The following MUC12 variants were observed in gnomAD, a reference collection of about 807,000 sequenced individuals.
MUC12 encodes mucin 12, cell surface associated.
MUC12 carries 172 observed loss-of-function variants against 230.8 expected under a neutral mutation model. The observed-to-expected ratio is 0.75, with a 90% CI of 0.66 to 0.85. The LOEUF (loss-of-function observed/expected upper bound fraction) is 0.85, where lower values mean the gene tolerates loss of function less well. Ranked by LOEUF, MUC12 falls within the 40% of genes least tolerant of loss-of-function variation. The pLI is 0.00. For synonymous variants in MUC12, 1,259 were observed against 2,401.9 expected (o/e 0.52, Z 13.91); for missense variants, 3,506 against 5,920.6 (o/e 0.59, Z 13.38).
chr7:100,985,135 C>T (rs1021723806), intron 1 of MUC12, among the ~76,000 whole-genome samples: 1 of 152,180 alleles, frequency 6.6e-6, no homozygotes, highest in African/African-American at 2.4e-5. Flanking sequence ...GCTGGGATTA[C>T]AAGCATGAGC....
At position 100,991,987 on chromosome 7, in the gene MUC12, T is replaced by G. The variant is rs548110192; in HGVS notation, c.1424T>G (p.Met475Arg). ...STPSPISSGS[M>R]ETTALPGSTT... ...CCCTCACCCATCAGTTCAGGCTCAA[T>G]GGAAACCACAGCGTTACCCGGCAGT... Residue 475 changes from methionine (M) to arginine (R), a missense_variant, in exon 2 of 12, where the codon ATG becomes AGG. Transcript: ENST00000536621. The G allele has an allele frequency of 1.4e-5, 21 of 1,537,926 alleles. No homozygotes were observed. In the East Asian group the frequency reaches 4.9e-4, roughly 36 times the overall value.
In MUC12 at chr7:101,012,464, C is replaced by G; in HGVS notation, c.15403+17C>G. 1 of 1,537,324 alleles carries G rather than the reference C, an allele frequency of 6.5e-7. No individual in the cohort carries two copies. The highest frequency in any genetic ancestry group is 2.0e-5 in the Admixed American group (1 of 50,976). ...CCTGCAGAAGTAAGCTCACCTAAAA[C>G]CCCTTGACACCTGTGGGTGTCTTGG... On this transcript the variant is annotated intron_variant, in intron 6 of 11. Transcript: ENST00000536621.
chr7:101,015,899 C>A (rs1421639601), intron 10 of MUC12, among the ~76,000 whole-genome samples: 1 of 152,176 alleles, frequency 6.6e-6, no homozygotes, highest in Non-Finnish European at 1.5e-5. Flanking sequence ...AGAACCAGAT[C>A]TTGCCCCCAG....
chr7:101,009,025 C>A, intron 4 of MUC12, 70 bp from the exon 5 acceptor site: 1 of 1,505,376 alleles, frequency 6.6e-7, no homozygotes, highest in South Asian at 1.2e-5. Flanking sequence ...CTAGGGCTGC[C>A]TCAAGAAGGG....
At chr7:101,011,772 T>A (rs184000465) in intron 5 of MUC12, among the ~76,000 whole-genome samples, 4 of 152,310 alleles carry the variant, frequency 2.6e-5, no homozygotes, top group South Asian at 4.1e-4. Context: ...AGACCACATT[T>A]GTTTCTCCAT....
At chr7:101,008,977 C>A (rs1793800318) in intron 4 of MUC12, 118 bp from the exon 5 acceptor site, 1 of 1,330,656 alleles carries the variant, frequency 7.5e-7, no homozygotes, top group South Asian at 1.3e-5. Flanking sequence ...TTGGTGGTTC[C>A]TCCTATGGGA....
intron 1 of MUC12, among the ~76,000 whole-genome samples, chr7:100,976,908 G>A (rs1793040694): frequency 6.6e-6 from 1 of 151,780 alleles, no homozygotes; most frequent in Non-Finnish European, 1.5e-5. Context: ...AAAATTAACT[G>A]GGCATGGTGG....
chr7:101,014,741 G>C (rs923819273), intron 9 of MUC12, among the ~76,000 whole-genome samples: 2 of 152,040 alleles, frequency 1.3e-5, no homozygotes, highest in Non-Finnish European at 2.9e-5. Flanking sequence ...GCTTCCCAAA[G>C]TGCTGGGATT....
rs888508762 is a variant in MUC12, at chr7:101,012,853, C to T, written c.15438C>T (p.Phe5146=). 2.7e-5 allele frequency: 42 copies of T among 1,537,132 alleles called. No homozygotes were observed. In the African/African-American group the frequency reaches 4.1e-4, roughly 15 times the overall value. The change falls in exon 7 of 12, where the codon TTC becomes TTT. Residue 5146 remains phenylalanine, a synonymous_variant. Transcript: ENST00000536621. ...AILCYSEEDT[F]VDSSVTPGFD... The stretch of plus-strand genomic sequence containing the variant: ...TGTGCTATAGTGAAGAGGACACTTT[C>T]GTGGATTCATCGGTGACTCCGGGCT...
At position 100,995,898 on chromosome 7, in the gene MUC12, A is replaced by G. The variant is rs772809876; in HGVS notation, c.5335A>G (p.Thr1779Ala). 7.3e-7 allele frequency: 1 copy of G among 1,376,662 alleles called. No individual in the cohort carries two copies. Among genetic ancestry groups the G allele is most frequent in the Non-Finnish European group, 9.7e-7 (1 of 1,026,470 alleles). The allele number at this position is 1,376,662 out of a possible 1,614,324, so 85.3% of individuals were successfully genotyped here. The change falls in exon 2 of 12, where the codon ACT (threonine) becomes GCT (alanine). Residue 1779 changes from threonine to alanine, a missense_variant. Transcript: ENST00000536621. ...GGCGTACCACAGCAGCCCGGGCTCA[A>G]CTCAAACAATGCACTTCCCTGAAAG... ...STAYHSSPGSTQTMHFPESST... is the reference protein window; with the variant it reads ...STAYHSSPGSAQTMHFPESST...
intron 1 of MUC12, among the ~76,000 whole-genome samples, chr7:100,989,099 CTTT>C (rs61570080): frequency 3.3e-3 from 438 of 133,974 alleles, no homozygotes; most frequent in African/African-American, 0.012. Flanking sequence ...TCCTCTTCTT[CTTT>C]TTTTTTTTTT....
Position 100,992,027 on chromosome 7 carries a change from C to A in MUC12, c.1464C>A (p.Gly488=), listed in dbSNP as rs1329757530. Residue 488 remains glycine, a synonymous_variant, in exon 2 of 12, where the codon GGC becomes GGA. Transcript: ENST00000536621. The part of the protein sequence containing the change: ...TALPGSTTKP[G]LSEKSTTFYS... Reference sequence around the variant, plus strand: ...TACCCGGCAGTACCACAAAACCAGGCCTCAGTGAGAAATCTACCACTTTCT... The same window carrying A: ...TACCCGGCAGTACCACAAAACCAGGACTCAGTGAGAAATCTACCACTTTCT... 4 of 1,537,986 alleles carry A rather than the reference C, an allele frequency of 2.6e-6. No individual in the cohort carries two copies. Among genetic ancestry groups the A allele is most frequent in the Non-Finnish European group, 3.5e-6 (4 of 1,147,076 alleles).
intron 1 of MUC12, among the ~76,000 whole-genome samples, chr7:100,970,174 G>A (rs1270510007): frequency 1.3e-5 from 2 of 152,298 alleles, no homozygotes; most frequent in East Asian, 1.9e-4. Flanking sequence ...AGGTGCACCC[G>A]GGGAATCCCC....
At chr7:100,970,415 A>G (rs1411917020) in intron 1 of MUC12, among the ~76,000 whole-genome samples, 1 of 151,252 alleles carries the variant, frequency 6.6e-6, no homozygotes, top group Non-Finnish European at 1.5e-5. Context: ...GGAACCTGGT[A>G]GGTGGAGTTT....
intron 1 of MUC12, chr7:100,972,825 T>C (rs1014844150): frequency 1.5e-6 from 1 of 687,026 alleles, no homozygotes; most frequent in African/African-American, 1.9e-5. Flanking sequence ...TAGCTTTTCT[T>C]CCTACTCTCT....
intron 3 of MUC12, among the ~76,000 whole-genome samples, 168 bp from the exon 4 acceptor site, chr7:101,008,466 C>T (rs1163277171): frequency 6.6e-6 from 1 of 152,102 alleles, no homozygotes; most frequent in Non-Finnish European, 1.5e-5. Flanking sequence ...TGTCCCTTTC[C>T]CTCCTGGCCA....
rs1337862346 is a variant in MUC12 at position 100,991,984 on chromosome 7, C to G, written c.1421C>G (p.Ser474Ter). ...DSTPSPISSG[S>*]METTALPGST... ...ACGCCCTCACCCATCAGTTCAGGCTCAATGGAAACCACAGCGTTACCCGGC... is the reference window on the plus strand; with the variant it reads ...ACGCCCTCACCCATCAGTTCAGGCTGAATGGAAACCACAGCGTTACCCGGC... Residue 474 changes from serine (S) to a stop codon, truncating the protein, a stop_gained, in exon 2 of 12, where the codon TCA becomes TGA. Coordinates refer to ENST00000536621, the MANE Select transcript of MUC12 (RefSeq NM_001164462.2). LOFTEE classifies it high-confidence loss of function. 2 of 1,537,866 alleles carry G rather than the reference C, an allele frequency of 1.3e-6. No individual in the cohort carries two copies. The highest frequency in any genetic ancestry group is 1.4e-5 in the African/African-American group (1 of 73,046).
intron 1 of MUC12, chr7:100,972,828 T>A (rs1420227044): frequency 1.4e-6 from 1 of 701,486 alleles, no homozygotes; most frequent in Admixed American, 2.0e-5. Flanking sequence ...CTTTTCTTCC[T>A]ACTCTCTGCA....
At chr7:100,985,880 CCCT>C (rs1793180233) in intron 1 of MUC12, among the ~76,000 whole-genome samples, 1 of 152,118 alleles carries the variant, frequency 6.6e-6, no homozygotes, top group Non-Finnish European at 1.5e-5. Flanking sequence ...AACCCTGCCA[CCCT>C]CACTTTGGTG....
Sources: gnomAD v4.1 joint callset for allele counts (sites outside exome capture counted in the v4.1 genomes callset) on GRCh38, gnomAD v4.1.1 for gene constraint, MANE v1.5 for transcripts, NCBI Gene and HGNC (gene_info 2026-07-23, HGNC 2026-07-21) for gene names.